TMEM165: variants seen among roughly 807,000 people sequenced by gnomAD.
TMEM165 encodes the protein transmembrane protein 165.
TMEM165 carries 19 observed loss-of-function variants against 30.0 expected under a neutral mutation model. The ratio of observed to expected loss-of-function variants is 0.63; its 90% confidence interval spans 0.44 to 0.93. The LOEUF (loss-of-function observed/expected upper bound fraction) is 0.93, where lower values mean the gene tolerates loss of function less well. TMEM165 is among the 40% of genes least tolerant of loss of function. TMEM165 has a pLI of 0.00. For missense variants in TMEM165, 340 were observed against 417.0 expected, an observed-to-expected ratio of 0.82 and a Z score of 1.61; for synonymous variants, 168 against 162.9, an observed-to-expected ratio of 1.03 and a Z score of -0.24.
intron 1 of TMEM165, among the ~76,000 whole-genome samples, chr4:55,406,663 C>A (rs1297645047): frequency 6.6e-6 from 1 of 151,888 alleles, no homozygotes; most frequent in Non-Finnish European, 1.5e-5. Flanking sequence ...TTGTTTTTTT[C>A]TTTCTCTTTG....
chr4:55,436,188 T>C (rs941118000), intron 3 of TMEM165, among the ~76,000 whole-genome samples: 3 of 152,186 alleles, frequency 2.0e-5, no homozygotes, highest in Admixed American at 2.0e-4. Flanking sequence ...TAATAAAGAT[T>C]AAATATTAAT....
chr4:55,399,134 C>G (rs531028896), intron 1 of TMEM165: 7 of 152,058 alleles, frequency 4.6e-5, no homozygotes, highest in Non-Finnish European at 7.4e-5. Context: ...TGGAACTCAA[C>G]GAGTAAATAA....
At chr4:55,452,014 CT>C (rs1724503543) in intron 3 of TMEM165, among the ~76,000 whole-genome samples, 1 of 152,152 alleles carries the variant, frequency 6.6e-6, no homozygotes, top group African/African-American at 2.4e-5. Flanking sequence ...ATTTTTGACT[CT>C]TTTCATTCTA....
chr4:55,416,241 A>G (rs185897805), intron 2 of TMEM165: 11 of 152,204 alleles, frequency 7.2e-5, no homozygotes, highest in African/African-American at 2.2e-4. Context: ...GGGTGTCACT[A>G]TGTTTCCCAG....
intron 3 of TMEM165, among the ~76,000 whole-genome samples, chr4:55,444,959 C>T (rs1438162421): frequency 6.6e-6 from 1 of 152,130 alleles, no homozygotes; most frequent in Non-Finnish European, 1.5e-5. Context: ...TAATATTGGA[C>T]CTGGACCTTC....
downstream of TMEM165, chr4:55,430,988 A>G (rs559139302): frequency 6.6e-6 from 1 of 152,302 alleles, no homozygotes; most frequent in Non-Finnish European, 1.5e-5. Flanking sequence ...GGACCTAAAC[A>G]TTTCTCAGAA....
intron 1 of TMEM165, among the ~76,000 whole-genome samples, chr4:55,399,484 A>G (rs146054824): frequency 2.8e-4 from 43 of 152,320 alleles, no homozygotes; most frequent in Non-Finnish European, 4.6e-4. Context: ...TTTTAAAACA[A>G]TAACTATTTT....
Position 55,403,165 on chromosome 4 carries a change from C to T in TMEM165, c.207+6769C>T, listed in dbSNP as rs1307424542. 4.2e-6 allele frequency: 4 copies of T among 959,782 alleles called. No homozygotes were observed. In the Admixed American group the frequency reaches 9.7e-5, roughly 23 times the overall value. The allele number at this position is 959,782 out of a possible 1,614,324, so 59.5% of individuals were successfully genotyped here. On this transcript the variant is annotated intron_variant, in intron 1 of 5. Transcript: ENST00000381334. Reference sequence around the variant, plus strand: ...AAATTGTAAGCATTTTCTTCTGACTCCTTTGTCTTCAGATAATCTCACCTC... The same window carrying T: ...AAATTGTAAGCATTTTCTTCTGACTTCTTTGTCTTCAGATAATCTCACCTC...
chr4:55,403,803 G>A (rs1721150114), intron 1 of TMEM165, among the ~76,000 whole-genome samples: 1 of 152,014 alleles, frequency 6.6e-6, no homozygotes, highest in Non-Finnish European at 1.5e-5. Context: ...TGTACTGTCT[G>A]CCTTTTTCAT....
intron 1 of TMEM165, among the ~76,000 whole-genome samples, chr4:55,399,885 T>G (rs905749356): frequency 6.6e-6 from 1 of 151,978 alleles, no homozygotes; most frequent in East Asian, 1.9e-4. Flanking sequence ...AGGGTGGGTA[T>G]AATATAATAT....
Position 55,425,962 on chromosome 4 carries a change from T to C in TMEM165, c.*510T>C, listed in dbSNP as rs1451624082. 1 of 152,182 alleles carries C rather than the reference T, an allele frequency of 6.6e-6. No homozygotes were observed. The highest frequency in any genetic ancestry group is 2.4e-5 in the African/African-American group (1 of 41,438). 9.4% of individuals were successfully genotyped at this position (152,182 alleles called of 1,614,324 possible). A position where few individuals can be genotyped will look rare whatever the true frequency, so the allele number is the denominator to read the frequency against. On this transcript the variant is annotated 3_prime_UTR_variant, in exon 6 of 6. Transcript: ENST00000381334. The stretch of plus-strand genomic sequence containing the variant: ...AGAGACATATATGATATTGCTGTTA[T>C]ATCAATAACATGGCACAACAAGAAC...
At chr4:55,429,784 G>A (rs1373379419), downstream of TMEM165, 1 of 152,176 alleles carries the variant, frequency 6.6e-6, no homozygotes, top group African/African-American at 2.4e-5. Flanking sequence ...CTAGAAAAAG[G>A]TTGGAACTGT....
chr4:55,408,936 T>A (rs1721378820), intron 1 of TMEM165, among the ~76,000 whole-genome samples: 2 of 151,186 alleles, frequency 1.3e-5, no homozygotes, highest in Admixed American at 6.6e-5. Context: ...TTTTTTTTTT[T>A]AATATAAGGA....
chr4:55,430,380 G>A (rs1722418809), downstream of TMEM165: 1 of 152,166 alleles, frequency 6.6e-6, no homozygotes, highest in African/African-American at 2.4e-5. Flanking sequence ...GGAATGTAGT[G>A]TTATGACATA....
At chr4:55,433,404 G>C (rs1722652151) in intron 3 of TMEM165, 1 of 152,564 alleles carries the variant, frequency 6.6e-6, no homozygotes, top group Admixed American at 6.5e-5. Context: ...ATTGTAGCCA[G>C]GTAGAATTTT....
chr4:55,434,004 G>A (rs367946407), intron 3 of TMEM165: 56 of 152,532 alleles, frequency 3.7e-4, no homozygotes, highest in African/African-American at 1.3e-3. Context: ...AACTATGATA[G>A]TGTTAGGTTA....
Position 55,396,037 on chromosome 4 carries a change from G to T in TMEM165, c.-153G>T. On this transcript the variant is annotated 5_prime_UTR_variant, in exon 1 of 6. Coordinates refer to ENST00000381334, the MANE Select transcript of TMEM165 (RefSeq NM_018475.5). ...TCGGCCTGCCCCTCACCTCACTCCC[G>T]CTGCTTGCACCTCCCGGATGGTGCT... The T allele has an allele frequency of 1.9e-6, 1 of 528,318 alleles. No homozygotes were observed. Among genetic ancestry groups the T allele is most frequent in the Non-Finnish European group, 2.9e-6 (1 of 343,552 alleles). 32.7% of individuals were successfully genotyped at this position (528,318 alleles called of 1,614,324 possible).
At chr4:55,400,628 G>A (rs1720961507) in intron 1 of TMEM165, among the ~76,000 whole-genome samples, 1 of 148,394 alleles carries the variant, frequency 6.7e-6, no homozygotes. Context: ...TAGTAGAGAC[G>A]AGGTTTTACC....
chr4:55,450,228 T>C (rs1397118356), intron 3 of TMEM165: 1 of 1,614,016 alleles, frequency 6.2e-7, no homozygotes, highest in Admixed American at 1.7e-5. Context: ...CCCAGAATCT[T>C]GGCTCTATGG....
Sources: allele counts gnomAD v4.1 joint callset (sites outside exome capture counted in the v4.1 genomes callset), GRCh38; gene constraint gnomAD v4.1.1; transcripts MANE v1.5; gene names NCBI Gene and HGNC (gene_info 2026-07-23, HGNC 2026-07-21).